REEP3: variants seen among roughly 807,000 people sequenced by gnomAD.
REEP3 encodes the protein receptor accessory protein 3, also known as receptor expression-enhancing protein 3.
In REEP3, 20 loss-of-function variants were observed where a neutral mutation model predicts 41.3. The ratio of observed to expected loss-of-function variants is 0.48; its 90% CI spans 0.34 to 0.70. The LOEUF (loss-of-function observed/expected upper bound fraction) is 0.70, where lower values mean the gene tolerates loss of function less well. REEP3 is among the 30% of genes least tolerant of loss of function. REEP3 has a pLI of 0.01. For missense variants in REEP3, 271 were observed against 308.8 expected (o/e 0.88, Z 0.92); for synonymous variants, 104 against 101.8 (o/e 1.02, Z -0.13).
chr10:63,599,531 A>C, intron 5 of REEP3: 1 of 300,136 alleles, frequency 3.3e-6, no homozygotes, highest in Non-Finnish European at 5.4e-6. Context: ...TCATTTAGTC[A>C]TAATTTTCCC....
At chr10:63,609,078 T>G (rs1310592036) in intron 5 of REEP3, among the ~76,000 whole-genome samples, 1 of 152,214 alleles carries the variant, frequency 6.6e-6, no homozygotes, top group African/African-American at 2.4e-5. Context: ...TCTTACATGT[T>G]TCTAACTTGT....
chr10:63,601,731 C>A (rs2133415931), intron 5 of REEP3, among the ~76,000 whole-genome samples: 1 of 152,174 alleles, frequency 6.6e-6, no homozygotes, highest in African/African-American at 2.4e-5. Context: ...CCATCCTGGC[C>A]AACGTGGTGA....
intron 1 of REEP3, among the ~76,000 whole-genome samples, chr10:63,543,468 T>C (rs1299481219): frequency 6.6e-6 from 1 of 151,846 alleles, no homozygotes; most frequent in Non-Finnish European, 1.5e-5. Flanking sequence ...ATTAAGTTTT[T>C]TTTTTTTTTT....
chr10:63,562,056 C>T (rs1012345861), intron 1 of REEP3, among the ~76,000 whole-genome samples: 1 of 152,008 alleles, frequency 6.6e-6, no homozygotes, highest in African/African-American at 2.4e-5. Context: ...GAATTGTGTT[C>T]TTGTTTACAC....
At chr10:63,586,711 G>A (rs1956010400) in intron 2 of REEP3, among the ~76,000 whole-genome samples, 1 of 151,938 alleles carries the variant, frequency 6.6e-6, no homozygotes, top group Admixed American at 6.6e-5. Flanking sequence ...TTTATGGTAG[G>A]GGTAGAGATG....
Position 63,621,034 on chromosome 10 carries a change from C to A in REEP3, c.*165C>A. ...ATTGTTTTTATTTCTGTAACAATTG[C>A]TTCCAAATATTGACTACTAAAGGCA... On this transcript the variant is annotated 3_prime_UTR_variant, in exon 8 of 8. Transcript: ENST00000373758. 2.0e-6 allele frequency: 1 copy of A among 494,820 alleles called. No homozygotes were observed. Among genetic ancestry groups the A allele is most frequent in the Non-Finnish European group, 3.6e-6 (1 of 279,504 alleles). 30.7% of individuals were successfully genotyped at this position (494,820 alleles called of 1,614,324 possible).
intron 5 of REEP3, among the ~76,000 whole-genome samples, chr10:63,605,678 ATTAT>A (rs1250980890): frequency 1.3e-5 from 2 of 152,228 alleles, no homozygotes; most frequent in African/African-American, 4.8e-5. Flanking sequence ...CAAAGACAGC[ATTAT>A]TTGAGTGTAA....
chr10:63,566,339 C>A lies in REEP3; in HGVS notation c.34C>A (p.Leu12Met). ...TATTCTCATTTTTTTTACTTTTAGG[C>A]TGGTGTTTGGAATGCTTTATCCTGC... ...VSWMISRAVVLVFGMLYPAYY... is the reference protein window; with the variant it reads ...VSWMISRAVVMVFGMLYPAYY... The change falls in exon 2 of 8, where the codon CTG (leucine) becomes ATG (methionine). Residue 12 changes from leucine to methionine, a missense_variant and splice_region_variant. By Grantham distance (15) the Leu-to-Met change is conservative (BLOSUM62 2). Transcript: ENST00000373758. 1 of 1,537,312 alleles carries A rather than the reference C, an allele frequency of 6.5e-7. No individual in the cohort carries two copies.
chr10:63,586,209 C>CT (rs1331027070), intron 2 of REEP3, among the ~76,000 whole-genome samples: 1 of 152,262 alleles, frequency 6.6e-6, no homozygotes, highest in African/African-American at 2.4e-5. Flanking sequence ...GCTAAGAACT[C>CT]TATCACATGA....
At chr10:63,527,472 G>T (rs1955376537) in intron 1 of REEP3, among the ~76,000 whole-genome samples, 2 of 152,028 alleles carry the variant, frequency 1.3e-5, no homozygotes, top group African/African-American at 2.4e-5. Flanking sequence ...AGGAGTTCCA[G>T]ACCAATCCAG....
chr10:63,584,745 C>T (rs1286662167), intron 2 of REEP3, among the ~76,000 whole-genome samples: 1 of 152,166 alleles, frequency 6.6e-6, no homozygotes, highest in African/African-American at 2.4e-5. Flanking sequence ...CAGAGGATCT[C>T]TCTGTTGTCT....
chr10:63,563,136 G>T (rs1955759543), intron 1 of REEP3, among the ~76,000 whole-genome samples: 1 of 152,186 alleles, frequency 6.6e-6, no homozygotes, highest in Admixed American at 6.5e-5. Context: ...TAGCCTCCAG[G>T]ACTGTGAGAA....
intron 2 of REEP3, among the ~76,000 whole-genome samples, chr10:63,570,547 T>A (rs1955843181): frequency 6.6e-6 from 1 of 152,102 alleles, no homozygotes; most frequent in Non-Finnish European, 1.5e-5. Context: ...ATCACCCAGG[T>A]ATTAAGCCTA....
chr10:63,595,059 C>T (rs1047155819), intron 3 of REEP3, among the ~76,000 whole-genome samples: 13 of 152,126 alleles, frequency 8.5e-5, no homozygotes, highest in African/African-American at 1.7e-4. Flanking sequence ...CCTCCCCATA[C>T]GCCGCTCCCT....
intron 5 of REEP3, among the ~76,000 whole-genome samples, chr10:63,602,820 C>T (rs1956184840): frequency 6.6e-6 from 1 of 152,126 alleles, no homozygotes; most frequent in Non-Finnish European, 1.5e-5. Flanking sequence ...ATTTAGCATT[C>T]TACATATTAT....
chr10:63,579,742 A>G (rs1955932397), intron 2 of REEP3, among the ~76,000 whole-genome samples: 1 of 152,260 alleles, frequency 6.6e-6, no homozygotes, highest in South Asian at 2.1e-4. Context: ...TTTTTAAACC[A>G]TTTTAAATGG....
intron 1 of REEP3, among the ~76,000 whole-genome samples, chr10:63,531,924 A>G (rs1219687899): frequency 6.6e-6 from 1 of 152,228 alleles, no homozygotes; most frequent in Non-Finnish European, 1.5e-5. Flanking sequence ...TCAATCTGTC[A>G]CAATCTTTAT....
rs1010463433 is a variant in REEP3, at chr10:63,622,495, G to A, written c.*1626G>A. 2.0e-5 allele frequency: 3 copies of A among 152,014 alleles called. No individual in the cohort carries two copies. Among genetic ancestry groups the A allele is most frequent in the African/African-American group, 7.2e-5 (3 of 41,380 alleles). 9.4% of individuals were successfully genotyped at this position (152,014 alleles called of 1,614,324 possible). A position where few individuals can be genotyped will look rare whatever the true frequency, so the allele number is the denominator to read the frequency against. The stretch of plus-strand genomic sequence containing the variant: ...ATTTTTAGCCTCTTAATTTCTGGAA[G>A]GACTCTAATTTCTATTCCAAATTTC... On this transcript the variant is annotated 3_prime_UTR_variant, in exon 8 of 8. Coordinates refer to ENST00000373758, the MANE Select transcript of REEP3 (RefSeq NM_001001330.3).
chr10:63,522,430 A>G (rs537424749), intron 1 of REEP3, among the ~76,000 whole-genome samples: 1 of 152,168 alleles, frequency 6.6e-6, no homozygotes, highest in Non-Finnish European at 1.5e-5. Flanking sequence ...ATTTGAATAC[A>G]GTTTAAACTG....
Sources: allele counts gnomAD v4.1 joint callset (sites outside exome capture counted in the v4.1 genomes callset), GRCh38; gene constraint gnomAD v4.1.1; transcripts MANE v1.5; gene names NCBI Gene and HGNC (gene_info 2026-07-23, HGNC 2026-07-21).